The following RRM2 variants were observed in gnomAD, a reference collection of about 807,000 sequenced individuals.
The protein encoded by RRM2 is ribonucleoside-diphosphate reductase subunit M2.
A neutral mutation model predicts 45.9 loss-of-function variants in RRM2; 6 were observed. That is an observed-to-expected ratio of 0.13 (90% CI 0.07 to 0.26). The LOEUF is 0.26. RRM2 is among the 10% of genes least tolerant of loss of function. The pLI, the probability that RRM2 is intolerant of heterozygous loss-of-function variation, is 1.00. For synonymous variants in RRM2, 177 were observed against 173.0 expected (o/e 1.02, Z -0.18); for missense variants, 343 against 489.5 (o/e 0.70, Z 2.82).
chr2:10,149,341 C>T (rs1318247452), intron 3 of RRM2, among the ~76,000 whole-genome samples: 2 of 152,170 alleles, frequency 1.3e-5, no homozygotes, highest in African/African-American at 4.8e-5. Context: ...GTTGGCTAGG[C>T]TGGTCTCGAA....
rs1664747361 is a variant in RRM2, at chr2:10,210,712, C to T, written n.884C>T. The T allele has an allele frequency of 8.4e-6, 8 of 955,660 alleles. No individual in the cohort carries two copies. In the South Asian group the frequency reaches 1.2e-4, roughly 14 times the overall value. The allele number at this position is 955,660 out of a possible 1,614,324, so 59.2% of individuals were successfully genotyped here. A position where few individuals can be genotyped will look rare whatever the true frequency, so the allele number is the denominator to read the frequency against. On this transcript the variant is annotated non_coding_transcript_exon_variant, in exon 4 of 4. Coordinates refer to the RRM2 transcript ENST00000381786. ...GTGGGAAACTGGGGTGATGTGAGCC[C>T]ACAGGGTGGAGCACTGTGGACTGAA... is the stretch of plus-strand genomic sequence containing the variant.
At position 10,129,346 on chromosome 2, in the gene RRM2, G is replaced by A. The variant is rs1662850365; in HGVS notation, c.1130G>A (p.Ser377Asn). 1 of 1,613,518 alleles carries A rather than the reference G, an allele frequency of 6.2e-7. No individual in the cohort carries two copies. The highest frequency in any genetic ancestry group is 1.1e-5 in the South Asian group (1 of 90,856). ...GEYQRMGVMS[S>N]PTENSFTLDA... ...TATCAGAGGATGGGAGTGATGTCAA[G>A]TCCAACAGAGAATTCTTTTACCTTG... Residue 377 changes from serine to asparagine, a missense_variant, in exon 10 of 10, where the codon AGT becomes AAT. Transcript: ENST00000304567. This position sits in a 1 kb window ranked among gnomAD's most constrained non-coding sequence, Gnocchi z 4.8.
chr2:10,199,716 C>G (rs1314668181), intron 3 of RRM2, among the ~76,000 whole-genome samples: 1 of 125,212 alleles, frequency 8.0e-6, no homozygotes, highest in Non-Finnish European at 1.6e-5. Context: ...GAAGGTGGAG[C>G]TTGCAGTGAA....
intron 3 of RRM2, among the ~76,000 whole-genome samples, chr2:10,206,775 G>C (rs1572539032): frequency 6.6e-6 from 1 of 152,144 alleles, no homozygotes; most frequent in Non-Finnish European, 1.5e-5. Context: ...AAGTACAAGA[G>C]AGATTACCCT....
upstream of RRM2, chr2:10,122,677 T>A: frequency 1.3e-6 from 2 of 1,549,960 alleles, no homozygotes; most frequent in Non-Finnish European, 1.7e-6. Context: ...CCAAAGCCAA[T>A]GGGAAGGGCC....
chr2:10,190,985 T>A (rs1470455443), intron 3 of RRM2, among the ~76,000 whole-genome samples: 1 of 152,172 alleles, frequency 6.6e-6, no homozygotes, highest in East Asian at 1.9e-4. Context: ...ACCTGTGACC[T>A]GTGGATGGAA....
intron 3 of RRM2, among the ~76,000 whole-genome samples, chr2:10,146,388 A>G (rs190506610): frequency 4.6e-5 from 7 of 152,336 alleles, no homozygotes; most frequent in Non-Finnish European, 7.3e-5. Context: ...AGACCCTGGT[A>G]TTTTTAAAGC....
rs1027936383 is a variant in RRM2, at chr2:10,184,870, G to A, written n.483-25441G>A. Among the ~76,000 whole-genome samples the A allele has an allele frequency of 2.0e-4, 31 of 152,212 alleles. 1 individual carries two copies. The highest frequency in any genetic ancestry group is 7.5e-4 in the African/African-American group (31 of 41,466). On this transcript the variant is annotated intron_variant and non_coding_transcript_variant, in intron 3 of 3. Transcript: ENST00000381786. ...GGAGACTGCCTTAAGAAAGATTCTT[G>A]CAACTTGACTTTGATCCTGTAGAGT...
In RRM2 at chr2:10,191,397, C is replaced by A. The variant is rs57386607; in HGVS notation, n.483-18914C>A. On this transcript the variant is annotated intron_variant and non_coding_transcript_variant, in intron 3 of 3. Transcript: ENST00000381786. ...TCACGTCTGTGAGAGGTCTTAGTGC[C>A]ACAGTAGATCAGTGTCAGTGAGGGT... Among the ~76,000 whole-genome samples, 547 of 152,278 alleles carry A rather than the reference C, an allele frequency of 3.6e-3. 12 individuals carry two copies. The East Asian group carries it at 0.067, about 19-fold the overall frequency.
chr2:10,123,883 G>C (rs759347499), intron 4 of RRM2, 31 bp downstream of exon 4: 1 of 1,240,366 alleles, frequency 8.1e-7, no homozygotes, highest in Non-Finnish European at 1.2e-6. Context: ...TCATTCATTT[G>C]ACGTTGACGA....
chr2:10,199,720 C>T (rs1375768419), intron 3 of RRM2, among the ~76,000 whole-genome samples: 8 of 124,212 alleles, frequency 6.4e-5, no homozygotes, highest in Non-Finnish European at 1.2e-4. Flanking sequence ...GTGGAGCTTG[C>T]AGTGAACTGA....
chr2:10,187,029 C>T lies in RRM2; in HGVS notation n.483-23282C>T, dbSNP rs193244048. Among the ~76,000 whole-genome samples the T allele has an allele frequency of 3.0e-3, 453 of 152,352 alleles. 4 individuals are homozygous for T. Among genetic ancestry groups the T allele is most frequent in the African/African-American group, 0.01 (434 of 41,592 alleles). ...GTGCGTGCGGGGCTGGTGCCGGTGCCCCCGAGGCCCACGTGCAGCCCCGCT... is the reference window on the plus strand; with the variant it reads ...GTGCGTGCGGGGCTGGTGCCGGTGCTCCCGAGGCCCACGTGCAGCCCCGCT... On this transcript the variant is annotated intron_variant and non_coding_transcript_variant, in intron 3 of 3. Coordinates refer to the RRM2 transcript ENST00000381786.
intron 3 of RRM2, among the ~76,000 whole-genome samples, chr2:10,159,367 G>A (rs1663506310): frequency 1.3e-5 from 2 of 152,186 alleles, no homozygotes; most frequent in Non-Finnish European, 2.9e-5. Context: ...TGAGTCTTTG[G>A]TTCTTCCAGA....
intron 3 of RRM2, among the ~76,000 whole-genome samples, chr2:10,160,028 G>A (rs1663522592): frequency 6.6e-6 from 1 of 152,154 alleles, no homozygotes; most frequent in Non-Finnish European, 1.5e-5. Flanking sequence ...GGCCCTCTGT[G>A]ATGAGTTTCT....
At chr2:10,144,435 G>T (rs1174937999) in intron 3 of RRM2, among the ~76,000 whole-genome samples, 2 of 152,242 alleles carry the variant, frequency 1.3e-5, no homozygotes, top group Non-Finnish European at 2.9e-5. Context: ...CGGCATCCCT[G>T]TGGTTCTAGA....
chr2:10,188,696 C>T (rs1300510489), intron 3 of RRM2, among the ~76,000 whole-genome samples: 1 of 152,044 alleles, frequency 6.6e-6, no homozygotes, highest in Non-Finnish European at 1.5e-5. Context: ...GGACCCAGGG[C>T]CTGGGGCCTT....
chr2:10,181,366 T>C (rs147657701), intron 3 of RRM2, among the ~76,000 whole-genome samples: 2,779 of 152,282 alleles, frequency 0.018, 43 homozygotes, highest in Middle Eastern at 0.031. Flanking sequence ...AATGTATTAG[T>C]TTTTGCAGCC....
intron 3 of RRM2, among the ~76,000 whole-genome samples, chr2:10,190,846 C>T (rs1290623532): frequency 6.6e-6 from 1 of 151,614 alleles, no homozygotes; most frequent in Non-Finnish European, 1.5e-5. Flanking sequence ...ATGGTGATGG[C>T]AGAGATGGTT....
At chr2:10,174,294 C>T (rs1184339604) in intron 3 of RRM2, among the ~76,000 whole-genome samples, 3 of 152,152 alleles carry the variant, frequency 2.0e-5, no homozygotes, top group East Asian at 1.9e-4. Flanking sequence ...GCTAAGACAG[C>T]AGCGCTTGGG....
Sources: gnomAD v4.1 joint callset for allele counts (sites outside exome capture counted in the v4.1 genomes callset) on GRCh38, gnomAD v4.1.1 for gene constraint, Gnocchi (gnomAD v3.1) non-coding constraint, MANE v1.5 for transcripts, NCBI Gene and HGNC (gene_info 2026-07-23, HGNC 2026-07-21) for gene names.